Variants in ADARB2 observed in about 807,000 individuals in gnomAD.
ADARB2 encodes the protein adenosine deaminase RNA specific B2 (inactive).
Under a neutral mutation model 62.2 loss-of-function variants are expected in ADARB2, and 25 were observed. The ratio of observed to expected loss-of-function variants is 0.40; its 90% CI spans 0.29 to 0.56. The LOEUF (loss-of-function observed/expected upper bound fraction) is 0.56. ADARB2 is among the 20% of genes least tolerant of loss of function. The pLI, the probability that ADARB2 is intolerant of heterozygous loss-of-function variation, is 0.43. For missense variants in ADARB2, 1,071 were observed against 1,077.4 expected, an observed-to-expected ratio of 0.99 and a Z score of 0.08; for synonymous variants, 572 against 500.8, an observed-to-expected ratio of 1.14 and a Z score of -1.90.
chr10:1,339,147 G>A (rs529140853), intron 3 of ADARB2, among the ~76,000 whole-genome samples: 7 of 152,298 alleles, frequency 4.6e-5, no homozygotes, highest in South Asian at 4.1e-4. Flanking sequence ...GTGCTGAGCC[G>A]AGATGTCTTC....
intron 3 of ADARB2, among the ~76,000 whole-genome samples, chr10:1,276,388 A>G (rs1395593018): frequency 1.3e-5 from 2 of 152,044 alleles, no homozygotes; most frequent in African/African-American, 4.8e-5. Context: ...GTTTGAGTTC[A>G]TTGTAGATTC....
chr10:1,589,903 C>A (rs1306321574), intron 1 of ADARB2, among the ~76,000 whole-genome samples: 1 of 152,220 alleles, frequency 6.6e-6, no homozygotes, highest in Non-Finnish European at 1.5e-5. Flanking sequence ...AACTCCTGAC[C>A]TCAGGTGATG....
At chr10:1,736,391 G>A (rs1588371398) in intron 1 of ADARB2, among the ~76,000 whole-genome samples, 3 of 152,320 alleles carry the variant, frequency 2.0e-5, no homozygotes, top group East Asian at 3.9e-4. Flanking sequence ...GTCAGTGGCC[G>A]CTGTCAGCCG....
At chr10:1,272,758 C>T (rs939193643) in intron 3 of ADARB2, among the ~76,000 whole-genome samples, 4 of 152,234 alleles carry the variant, frequency 2.6e-5, no homozygotes, top group African/African-American at 9.6e-5. Flanking sequence ...GAATCAGGTC[C>T]AGAGAGGGAA....
At chr10:1,690,788 C>A (rs1344915372) in intron 1 of ADARB2, among the ~76,000 whole-genome samples, 1 of 152,222 alleles carries the variant, frequency 6.6e-6, no homozygotes, top group Non-Finnish European at 1.5e-5. Context: ...ACCCCCTCCC[C>A]AGCCTGCATG....
intron 1 of ADARB2, among the ~76,000 whole-genome samples, chr10:1,708,131 C>T (rs1167733661): frequency 1.3e-5 from 2 of 152,210 alleles, no homozygotes; most frequent in African/African-American, 4.8e-5. Flanking sequence ...TCCGTGCGGG[C>T]TGCCTTCTGT....
chr10:1,606,323 G>A (rs1421161839), intron 1 of ADARB2, among the ~76,000 whole-genome samples: 1 of 151,630 alleles, frequency 6.6e-6, no homozygotes, highest in East Asian at 2.0e-4. Flanking sequence ...CCTGAGCGGG[G>A]GGGAGCATCC....
chr10:1,626,388 C>T (rs4562733), intron 1 of ADARB2, among the ~76,000 whole-genome samples: 2,057 of 95,934 alleles, frequency 0.021, 41 homozygotes, highest in Middle Eastern at 0.07. Flanking sequence ...TGTCTGCCCA[C>T]GCTCTCTCCT....
At chr10:1,186,669 T>A (rs1836763857) in intron 8 of ADARB2, 1 of 460,702 alleles carries the variant, frequency 2.2e-6, no homozygotes, top group East Asian at 6.6e-5. Context: ...ATGCATCACG[T>A]GAGATGGCGG....
intron 1 of ADARB2, among the ~76,000 whole-genome samples, chr10:1,627,928 C>T (rs987235349): frequency 6.6e-6 from 1 of 152,216 alleles, no homozygotes; most frequent in African/African-American, 2.4e-5. Context: ...TGTGACTCCC[C>T]CCAGCATCAC....
chr10:1,714,772 A>G (rs896977426), intron 1 of ADARB2, among the ~76,000 whole-genome samples: 4 of 152,322 alleles, frequency 2.6e-5, no homozygotes, highest in East Asian at 1.9e-4. Flanking sequence ...GGTGTATTTT[A>G]TAGCTGATTC....
chr10:1,545,669 G>A (rs112269046), intron 1 of ADARB2, among the ~76,000 whole-genome samples: 7 of 152,278 alleles, frequency 4.6e-5, no homozygotes, highest in Non-Finnish European at 7.4e-5. Context: ...TCGTGGGTGT[G>A]GGCAGCCTTG....
At position 1,510,110 on chromosome 10, in the gene ADARB2, C is replaced by CTCTTTCTCCCTTTCTTTCTTTCTT. The variant is rs1554767638; in HGVS notation, c.101-130951_101-130950insAAGAAAGAAAGAAAGGGAGAAAGA. On this transcript the variant is annotated intron_variant, in intron 1 of 9. Coordinates refer to ENST00000381312, the MANE Select transcript of ADARB2 (RefSeq NM_018702.4). ...CTCTCTCTCTCTTTTCTTTCTTTCT[C>CTCTTTCTCCCTTTCTTTCTTTCTT]TCTTTCTTTCTTTCTTTCTTTCTTT... Among the ~76,000 whole-genome samples the CTCTTTCTCCCTTTCTTTCTTTCTT allele has an allele frequency of 4.7e-5, 5 of 106,184 alleles. No homozygotes were observed. In the Admixed American group the frequency reaches 5.5e-4, roughly 12 times the overall value. The allele number at this position is 106,184 out of a possible 152,430, so 69.7% of individuals were successfully genotyped here.
chr10:1,305,751 C>T (rs1166681629), intron 3 of ADARB2, among the ~76,000 whole-genome samples: 13 of 152,114 alleles, frequency 8.5e-5, no homozygotes, highest in Admixed American at 1.3e-4. Flanking sequence ...GTTCAACATA[C>T]GAAAATCAAT....
chr10:1,331,700 G>A (rs1831929526), intron 3 of ADARB2, among the ~76,000 whole-genome samples: 1 of 152,166 alleles, frequency 6.6e-6, no homozygotes, highest in African/African-American at 2.4e-5. Flanking sequence ...CCTTTGAATT[G>A]TACTTTAAAG....
chr10:1,661,500 C>T (rs1274020683), intron 1 of ADARB2, among the ~76,000 whole-genome samples: 1 of 152,190 alleles, frequency 6.6e-6, no homozygotes, highest in African/African-American at 2.4e-5. Context: ...TACAGGATGC[C>T]TTGGAAGTTG....
intron 3 of ADARB2, among the ~76,000 whole-genome samples, chr10:1,314,326 CT>C (rs35333325): frequency 0.013 from 1,991 of 152,312 alleles, 51 homozygotes; most frequent in African/African-American, 0.045. Context: ...CTGGACTCTA[CT>C]TGCCCCGTCC....
At chr10:1,623,447 T>G (rs1346089753) in intron 1 of ADARB2, among the ~76,000 whole-genome samples, 2 of 152,150 alleles carry the variant, frequency 1.3e-5, no homozygotes, top group Non-Finnish European at 1.5e-5. Context: ...TACACTTGAG[T>G]AAGAATATAA....
chr10:1,664,070 G>C (rs567204432), intron 1 of ADARB2, among the ~76,000 whole-genome samples: 1 of 152,246 alleles, frequency 6.6e-6, no homozygotes, highest in African/African-American at 2.4e-5. Context: ...GTTTCTGTGT[G>C]CCTGTGTTTT....
Sources: gnomAD v4.1 joint callset for allele counts (sites outside exome capture counted in the v4.1 genomes callset) on GRCh38, gnomAD v4.1.1 for gene constraint, MANE v1.5 for transcripts, NCBI Gene and HGNC (gene_info 2026-07-23, HGNC 2026-07-21) for gene names.